The following HYDIN variants were observed in gnomAD, a reference collection of about 807,000 sequenced individuals.
HYDIN encodes the protein axonemal central pair apparatus protein HYDIN.
In HYDIN, 132 loss-of-function variants were observed where a neutral mutation model predicts 403.9. The observed-to-expected ratio is 0.33, with a 90% confidence interval of 0.28 to 0.38. The LOEUF (loss-of-function observed/expected upper bound fraction) is 0.38. Among genes scored for constraint, HYDIN ranks in the 10% least tolerant of loss-of-function variants. The probability of loss-of-function intolerance (pLI) is 1.00; values close to 1 mark genes in which losing one functional copy is unlikely to be tolerated. For missense variants in HYDIN, 2,827 were observed against 5,009.5 expected (o/e 0.56, Z 13.15); for synonymous variants, 1,202 against 1,891.7 (o/e 0.64, Z 9.46).
chr16:71,165,030 T>G (rs1042027435), intron 5 of HYDIN, among the ~76,000 whole-genome samples: 3 of 152,054 alleles, frequency 2.0e-5, no homozygotes, highest in African/African-American at 7.3e-5. Flanking sequence ...ACCCTGGTCC[T>G]AGCCACTCCG....
chr16:71,098,687 T>C (rs116965994), intron 10 of HYDIN, among the ~76,000 whole-genome samples: 5,130 of 149,690 alleles, frequency 0.034, 36 homozygotes, highest in Middle Eastern at 0.073. Context: ...TATTTATAAC[T>C]GTCAGGCCTA....
chr16:70,902,821 A>ATATATTTTT, intron 52 of HYDIN, among the ~76,000 whole-genome samples: 3 of 47,312 alleles, frequency 6.3e-5, no homozygotes, highest in Middle Eastern at 0.015. Context: ...ATATATATAT[A>ATATATTTTT]TTTTTTTTTT....
At chr16:70,901,613 T>G (rs2076381713) in intron 52 of HYDIN, among the ~76,000 whole-genome samples, 1 of 145,204 alleles carries the variant, frequency 6.9e-6, no homozygotes, top group East Asian at 2.0e-4. Flanking sequence ...GGAGACGGAG[T>G]CTTGCTCTGT....
intron 10 of HYDIN, among the ~76,000 whole-genome samples, chr16:71,102,539 T>A (rs1179289464): frequency 6.6e-6 from 1 of 151,008 alleles, no homozygotes; most frequent in Non-Finnish European, 1.5e-5. Flanking sequence ...AAAACAATAT[T>A]ATAAGTATGA....
intron 78 of HYDIN, among the ~76,000 whole-genome samples, chr16:70,834,576 C>G (rs981003193): frequency 6.6e-6 from 1 of 151,922 alleles, no homozygotes; most frequent in African/African-American, 2.4e-5. Flanking sequence ...GGTTGGGTGC[C>G]GTGGCTCACG....
chr16:70,994,550 A>G (rs1336602680), intron 23 of HYDIN, among the ~76,000 whole-genome samples: 1 of 150,672 alleles, frequency 6.6e-6, no homozygotes, highest in Non-Finnish European at 1.5e-5. Flanking sequence ...CAGAGAACGC[A>G]TGTTGGGCTG....
At chr16:70,937,210 T>C (rs1288553654) in intron 44 of HYDIN, among the ~76,000 whole-genome samples, 1 of 151,116 alleles carries the variant, frequency 6.6e-6, no homozygotes, top group African/African-American at 2.4e-5. Flanking sequence ...GAATCAAATT[T>C]GCATTTTCCA....
intron 1 of HYDIN, among the ~76,000 whole-genome samples, chr16:71,218,979 T>C (rs1352384882): frequency 6.6e-6 from 1 of 152,216 alleles, no homozygotes; most frequent in African/African-American, 2.4e-5. Context: ...TGAAATATGC[T>C]TCCCACACTG....
At chr16:71,087,068 T>C (rs942408274) in intron 12 of HYDIN, among the ~76,000 whole-genome samples, 7 of 151,804 alleles carry the variant, frequency 4.6e-5, no homozygotes, top group African/African-American at 1.5e-4. Flanking sequence ...ACATGTATTA[T>C]GGAAGAGAAC....
chr16:71,200,630 T>A (rs2087953497), intron 1 of HYDIN, among the ~76,000 whole-genome samples: 1 of 152,202 alleles, frequency 6.6e-6, no homozygotes, highest in Non-Finnish European at 1.5e-5. Flanking sequence ...AATTTTTTAT[T>A]TATCTACCAA....
intron 5 of HYDIN, among the ~76,000 whole-genome samples, chr16:71,163,414 C>T (rs1382668530): frequency 1.2e-4 from 19 of 152,270 alleles, no homozygotes; most frequent in Admixed American, 3.9e-4. Flanking sequence ...TGAGCCACCG[C>T]GCCCGGCCGA....
intron 83 of HYDIN, among the ~76,000 whole-genome samples, chr16:70,820,417 G>C (rs2036178414): frequency 6.6e-6 from 1 of 151,636 alleles, no homozygotes; most frequent in African/African-American, 2.4e-5. Context: ...CTGACCTTGT[G>C]ATCTGCTCGC....
At chr16:71,218,491 G>C (rs2089010601) in intron 1 of HYDIN, among the ~76,000 whole-genome samples, 1 of 152,178 alleles carries the variant, frequency 6.6e-6, no homozygotes, top group Non-Finnish European at 1.5e-5. Context: ...ATTTGCCATG[G>C]TTTTAATTGC....
intron 1 of HYDIN, among the ~76,000 whole-genome samples, chr16:71,193,807 C>T (rs2087557447): frequency 6.6e-6 from 1 of 152,134 alleles, no homozygotes; most frequent in South Asian, 2.1e-4. Context: ...TCTCTCTTTG[C>T]TTTTTCTTTA....
At chr16:70,813,075 C>G (rs1200387796) in intron 84 of HYDIN, among the ~76,000 whole-genome samples, 2 of 151,680 alleles carry the variant, frequency 1.3e-5, no homozygotes, top group East Asian at 1.9e-4. Flanking sequence ...GCCTCACCCT[C>G]CTGAGTAGCT....
chr16:71,056,061 C>T (rs2081875341), intron 18 of HYDIN, among the ~76,000 whole-genome samples: 1 of 151,686 alleles, frequency 6.6e-6, no homozygotes, highest in African/African-American at 2.4e-5. Context: ...TCCCTGCATA[C>T]AAGCAGAGCG....
intron 3 of HYDIN, among the ~76,000 whole-genome samples, chr16:71,181,115 C>A (rs564160845): frequency 4.0e-5 from 6 of 151,440 alleles, no homozygotes; most frequent in Admixed American, 3.9e-4. Context: ...TGCAGGAATA[C>A]ACTATTTTCA....
rs374235542 is a variant in HYDIN, at chr16:71,187,275, C to T, written c.-23-357G>A. Among the ~76,000 whole-genome samples, 89 of 152,214 alleles carry T rather than the reference C, an allele frequency of 5.8e-4. No homozygotes were observed. The Middle Eastern group carries it at 0.01, about 17-fold the overall frequency. On this transcript the variant is annotated intron_variant, in intron 1 of 85. Coordinates refer to ENST00000393567, the MANE Select transcript of HYDIN (RefSeq NM_001270974.2). ...GATAATTTATCTACATATTTGAAAG[C>T]GCTCTCTTAGGAGAATCGACCCTTC...
intron 63 of HYDIN, 67 bp from the exon 64 acceptor site, chr16:70,874,659 C>T: frequency 1.4e-6 from 1 of 702,884 alleles, no homozygotes; most frequent in Non-Finnish European, 2.2e-6. Context: ...ATAAAGACCC[C>T]TGTTGAAGGG....
Sources: allele counts gnomAD v4.1 joint callset (sites outside exome capture counted in the v4.1 genomes callset), GRCh38; gene constraint gnomAD v4.1.1; transcripts MANE v1.5; gene names NCBI Gene and HGNC (gene_info 2026-07-23, HGNC 2026-07-21).